SBF2: variants seen among roughly 807,000 people sequenced by gnomAD.
SBF2 encodes myotubularin-related protein 13.
Under a neutral mutation model 225.2 loss-of-function variants are expected in SBF2, and 112 were observed. The ratio of observed to expected loss-of-function variants is 0.50; its 90% CI spans 0.43 to 0.58. The LOEUF (loss-of-function observed/expected upper bound fraction) is 0.58, where lower values mean the gene tolerates loss of function less well. Ranked by LOEUF, SBF2 falls within the 20% of genes least tolerant of loss-of-function variation. The pLI is 0.00. For missense variants in SBF2, 1,996 were observed against 2,206.2 expected (o/e 0.90, Z 1.91); for synonymous variants, 763 against 773.3 (o/e 0.99, Z 0.22).
At chr11:10,015,582 T>C (rs1026817944) in intron 6 of SBF2, among the ~76,000 whole-genome samples, 1 of 152,104 alleles carries the variant, frequency 6.6e-6, no homozygotes, top group Admixed American at 6.5e-5. Context: ...CCACCTGGGG[T>C]GGGAGCTTCC....
intron 26 of SBF2, among the ~76,000 whole-genome samples, chr11:9,834,709 A>T (rs1855627958): frequency 6.6e-6 from 1 of 152,242 alleles, no homozygotes; most frequent in African/African-American, 2.4e-5. Context: ...AAGACTGAAA[A>T]GGCAGTTCCA....
intron 16 of SBF2, among the ~76,000 whole-genome samples, chr11:9,909,458 T>G (rs1009844658): frequency 2.0e-5 from 3 of 151,874 alleles, no homozygotes; most frequent in African/African-American, 7.3e-5. Flanking sequence ...GATCATGAGG[T>G]CAGGAGATCG....
At chr11:10,198,048 C>G (rs753189948) in intron 1 of SBF2, among the ~76,000 whole-genome samples, 5 of 152,142 alleles carry the variant, frequency 3.3e-5, no homozygotes, top group Non-Finnish European at 5.9e-5. Flanking sequence ...TTCTAAGCTC[C>G]CGGTTAATAG....
intron 17 of SBF2, among the ~76,000 whole-genome samples, chr11:9,867,373 A>T (rs1459200424): frequency 1.3e-5 from 2 of 152,092 alleles, no homozygotes; most frequent in Non-Finnish European, 2.9e-5. Context: ...GGCTATTATA[A>T]AAAAAAGAAA....
intron 14 of SBF2, among the ~76,000 whole-genome samples, chr11:9,967,655 A>C (rs2403262): frequency 0.98 from 149,697 of 152,252 alleles, 73,644 homozygotes; most frequent in Middle Eastern, 1. Context: ...GTGGCTCACG[A>C]CTGTAATCCC....
At chr11:9,829,039 C>G (rs1855224025) in intron 28 of SBF2, among the ~76,000 whole-genome samples, 1 of 152,144 alleles carries the variant, frequency 6.6e-6, no homozygotes, top group Non-Finnish European at 1.5e-5. Context: ...CTTTGGGAGG[C>G]TGAGGCGGGA....
chr11:10,002,354 C>A lies in SBF2; in HGVS notation c.752+203G>T, dbSNP rs112318596. On this transcript the variant is annotated intron_variant, in intron 7 of 39. Transcript: ENST00000256190. ...ATACTATTCAAATTAAATATTTTTA[C>A]ACTAATCAACATTCAGTAATGGACA... 9.2e-5 allele frequency among the ~76,000 whole-genome samples: 14 copies of A among 152,258 alleles called. 1 individual carries two copies. The highest frequency in any genetic ancestry group is 3.4e-4 in the African/African-American group (14 of 41,554).
chr11:9,869,428 C>T (rs1053371348), intron 17 of SBF2, among the ~76,000 whole-genome samples: 4 of 152,108 alleles, frequency 2.6e-5, no homozygotes, highest in South Asian at 2.1e-4. Context: ...AAGTGGTTCT[C>T]GTGCCTCAGC....
At chr11:10,126,405 T>C (rs1426615117) in intron 2 of SBF2, among the ~76,000 whole-genome samples, 1 of 152,076 alleles carries the variant, frequency 6.6e-6, no homozygotes, top group African/African-American at 2.4e-5. Flanking sequence ...AGGAATGGTA[T>C]TTAGATCTTG....
At chr11:10,190,852 G>A (rs566002214) in intron 2 of SBF2, among the ~76,000 whole-genome samples, 1 of 152,210 alleles carries the variant, frequency 6.6e-6, no homozygotes, top group Admixed American at 6.5e-5. Context: ...TACACTAAAA[G>A]ACTAACCATT....
intron 38 of SBF2, 145 bp from the exon 39 acceptor site, chr11:9,781,783 T>G: frequency 1.1e-6 from 1 of 916,604 alleles, no homozygotes; most frequent in Non-Finnish European, 1.7e-6. Flanking sequence ...AATTAATTAA[T>G]AATACTTGTT....
At chr11:10,045,171 CT>C (rs59755660) in intron 2 of SBF2, among the ~76,000 whole-genome samples, 70,553 of 141,566 alleles carry the variant, frequency 0.5, 17,362 homozygotes, top group Admixed American at 0.59. Context: ...TATTGCTTTT[CT>C]TTTTTTTTTT....
chr11:10,033,428 T>A (rs1374383598), intron 3 of SBF2, among the ~76,000 whole-genome samples: 1 of 152,118 alleles, frequency 6.6e-6, no homozygotes, highest in African/African-American at 2.4e-5. Flanking sequence ...AAAGGAATAG[T>A]TATTAACGAG....
At chr11:10,086,854 TG>T (rs1951585167) in intron 2 of SBF2, among the ~76,000 whole-genome samples, 1 of 152,180 alleles carries the variant, frequency 6.6e-6, no homozygotes, top group African/African-American at 2.4e-5. Flanking sequence ...TATTATGAGT[TG>T]TGACAATCCA....
intron 1 of SBF2, among the ~76,000 whole-genome samples, chr11:10,217,649 A>G (rs1251805415): frequency 6.6e-6 from 1 of 152,178 alleles, no homozygotes; most frequent in Non-Finnish European, 1.5e-5. Flanking sequence ...ATCAGAGGCC[A>G]AACTGTGCTG....
intron 25 of SBF2, among the ~76,000 whole-genome samples, chr11:9,841,441 T>C (rs766568688): frequency 6.6e-6 from 1 of 152,144 alleles, no homozygotes; most frequent in Non-Finnish European, 1.5e-5. Flanking sequence ...TTCAGTGATA[T>C]AATGGTGGGT....
chr11:10,156,111 G>A (rs1955464089), intron 2 of SBF2, among the ~76,000 whole-genome samples: 1 of 152,226 alleles, frequency 6.6e-6, no homozygotes. Flanking sequence ...CACAGGCTTG[G>A]AAGTGCCTGC....
intron 13 of SBF2, among the ~76,000 whole-genome samples, chr11:9,969,298 C>T (rs1678605473): frequency 6.6e-6 from 1 of 152,206 alleles, no homozygotes; most frequent in African/African-American, 2.4e-5. Flanking sequence ...TACAGCAATA[C>T]AACAGTCTCC....
chr11:10,135,271 G>T lies in SBF2; in HGVS notation c.141+58631C>A, dbSNP rs911600210. Among the ~76,000 whole-genome samples, 5 of 152,130 alleles carry T rather than the reference G, an allele frequency of 3.3e-5. No individual in the cohort carries two copies. The South Asian group carries it at 6.2e-4, about 19-fold the overall frequency. On this transcript the variant is annotated intron_variant, in intron 2 of 39. Coordinates refer to ENST00000256190, the MANE Select transcript of SBF2 (RefSeq NM_030962.4). ...CAGTGGGACCCTGGGCCTGGCCCAG[G>T]AAACCATTTTTTCCTCCTAGGCCTC... is the stretch of plus-strand genomic sequence containing the variant.
Sources: gnomAD v4.1 joint callset for allele counts (sites outside exome capture counted in the v4.1 genomes callset) on GRCh38, gnomAD v4.1.1 for gene constraint, MANE v1.5 for transcripts, NCBI Gene and HGNC (gene_info 2026-07-23, HGNC 2026-07-21) for gene names.